Variants in REEP1 observed in about 807,000 individuals in gnomAD.
REEP1 encodes the protein receptor expression-enhancing protein 1.
REEP1 carries 22 observed loss-of-function variants against 40.3 expected under a neutral mutation model. The ratio of observed to expected loss-of-function variants is 0.55; its 90% CI spans 0.39 to 0.78. REEP1 has a LOEUF of 0.78. Among genes scored for constraint, REEP1 ranks in the 30% least tolerant of loss-of-function variants. The probability of loss-of-function intolerance (pLI) is 0.00; values close to 1 mark genes in which losing one functional copy is unlikely to be tolerated. For synonymous variants in REEP1, 116 were observed against 139.2 expected (o/e 0.83, Z 1.17); for missense variants, 280 against 361.1 (o/e 0.78, Z 1.82).
chr2:86,216,849 C>T lies in REEP1; in HGVS notation c.*190G>A. On this transcript the variant is annotated 3_prime_UTR_variant, in exon 9 of 9. Coordinates refer to ENST00000538924, the MANE Select transcript of REEP1 (RefSeq NM_001371279.1). ...CCTACTACCTTTCCCTTTAGCCTCT[C>T]CCCAGCAAAATAAAGAAAAGGGGGA... 1 of 548,762 alleles carries T rather than the reference C, an allele frequency of 1.8e-6. No individual in the cohort carries two copies. Among genetic ancestry groups the T allele is most frequent in the South Asian group, 2.1e-5 (1 of 48,596 alleles). The allele number at this position is 548,762 out of a possible 1,614,324, so 34.0% of individuals were successfully genotyped here. A position where few individuals can be genotyped will look rare whatever the true frequency, so the allele number is the denominator to read the frequency against.
intron 1 of REEP1, among the ~76,000 whole-genome samples, chr2:86,298,624 C>T (rs372771797): frequency 3.9e-5 from 6 of 152,346 alleles, no homozygotes; most frequent in African/African-American, 7.2e-5. Flanking sequence ...ACCGTGTGGA[C>T]GCTTTGAGCA....
intron 2 of REEP1, among the ~76,000 whole-genome samples, chr2:86,266,816 G>A (rs1677166955): frequency 6.6e-6 from 1 of 151,160 alleles, no homozygotes; most frequent in African/African-American, 2.4e-5. Context: ...GACCATCCTG[G>A]CTAACACGAT....
At chr2:86,269,897 C>T (rs1441883110) in intron 2 of REEP1, among the ~76,000 whole-genome samples, 2 of 150,902 alleles carry the variant, frequency 1.3e-5, no homozygotes, top group African/African-American at 4.9e-5. Flanking sequence ...AATTTTCTCC[C>T]ACAGATTGGG....
intron 8 of REEP1, 49 bp from the exon 9 acceptor site, chr2:86,217,159 A>C (rs954037181): frequency 1.3e-6 from 2 of 1,519,656 alleles, no homozygotes; most frequent in African/African-American, 2.7e-5. Flanking sequence ...TAAATGTGGG[A>C]TCTTTTGAGG....
intron 1 of REEP1, among the ~76,000 whole-genome samples, chr2:86,314,462 G>C (rs1350472619): frequency 6.6e-6 from 1 of 152,158 alleles, no homozygotes; most frequent in African/African-American, 2.4e-5. Context: ...AGGCCCAGGT[G>C]GGGTGAGCAG....
At chr2:86,227,914 A>T (rs369161828) in intron 6 of REEP1, among the ~76,000 whole-genome samples, 2 of 152,196 alleles carry the variant, frequency 1.3e-5, no homozygotes, top group East Asian at 3.8e-4. Context: ...AGTGACTCCA[A>T]GTCCATGGAA....
chr2:86,231,233 G>C (rs749387903), intron 6 of REEP1, among the ~76,000 whole-genome samples: 1 of 143,846 alleles, frequency 7.0e-6, no homozygotes, highest in Admixed American at 7.0e-5. Context: ...TTCCATTCCT[G>C]GGGGGGGGTC....
At chr2:86,271,193 A>C (rs1677427378) in intron 2 of REEP1, among the ~76,000 whole-genome samples, 1 of 152,166 alleles carries the variant, frequency 6.6e-6, no homozygotes, top group African/African-American at 2.4e-5. Flanking sequence ...TTCTGTCTCA[A>C]ACAAAAAAAT....
intron 8 of REEP1, among the ~76,000 whole-genome samples, chr2:86,218,461 A>G (rs114279507): frequency 2.0e-5 from 3 of 152,366 alleles, no homozygotes; most frequent in South Asian, 2.1e-4. Context: ...TCCTCATGCT[A>G]CAGCCTTACC....
intron 3 of REEP1, among the ~76,000 whole-genome samples, chr2:86,262,784 A>G (rs1676933860): frequency 1.3e-5 from 2 of 152,258 alleles, no homozygotes; most frequent in Admixed American, 1.3e-4. Flanking sequence ...TCGTAGAAAT[A>G]ACCCTCGTTA....
chr2:86,331,209 T>C (rs78703593), intron 1 of REEP1, among the ~76,000 whole-genome samples: 4,128 of 152,256 alleles, frequency 0.027, 98 homozygotes, highest in Non-Finnish European at 0.038. Flanking sequence ...CTGGAACCCA[T>C]AGGCAAGGCT....
At chr2:86,297,905 C>G (rs898286287) in intron 1 of REEP1, 3 of 183,260 alleles carry the variant, frequency 1.6e-5, no homozygotes, top group African/African-American at 2.4e-5. Context: ...GTGTTTGAGC[C>G]AAGAAGGCCT....
chr2:86,281,714 A>T (rs1224518631), intron 2 of REEP1, among the ~76,000 whole-genome samples: 3 of 152,202 alleles, frequency 2.0e-5, no homozygotes, highest in African/African-American at 4.8e-5. Context: ...TGAATTGTGG[A>T]TTTGGAATGA....
chr2:86,220,847 A>T (rs947889124), intron 7 of REEP1, among the ~76,000 whole-genome samples: 3 of 152,218 alleles, frequency 2.0e-5, no homozygotes, highest in Non-Finnish European at 2.9e-5. Context: ...GAAAAGCTTC[A>T]GAATTAATTC....
In REEP1 at chr2:86,214,491, A is replaced by ATTACAGACTT. The variant is rs1364031253; in HGVS notation, c.*2538_*2547dup. 1 of 152,696 alleles carries ATTACAGACTT rather than the reference A, an allele frequency of 6.5e-6. No homozygotes were observed. The highest frequency in any genetic ancestry group is 1.5e-5 in the Non-Finnish European group (1 of 68,062). The allele number at this position is 152,696 out of a possible 1,614,324, so 9.5% of individuals were successfully genotyped here. ...ATTAACTAAAAGTTATGACATGAAC[A>ATTACAGACTT]TTACAGACTTTCCAGCTAGCATTTT... On this transcript the variant is annotated 3_prime_UTR_variant, in exon 9 of 9. Coordinates refer to ENST00000538924, the MANE Select transcript of REEP1 (RefSeq NM_001371279.1).
Position 86,264,161 on chromosome 2 carries a change from T to C in REEP1, c.106-120A>G, listed in dbSNP as rs1677022619. ...GCACGTCCAGGTGGTGCAGCCTGCATTTGTAGCCTTCTCCCTATCCTTCCC... is the reference window on the plus strand; with the variant it reads ...GCACGTCCAGGTGGTGCAGCCTGCACTTGTAGCCTTCTCCCTATCCTTCCC... On this transcript the variant is annotated intron_variant, in intron 2 of 8. Coordinates refer to ENST00000538924, the MANE Select transcript of REEP1 (RefSeq NM_001371279.1). 5 of 755,740 alleles carry C rather than the reference T, an allele frequency of 6.6e-6. 1 individual carries two copies. The East Asian group carries it at 1.3e-4, about 20-fold the overall frequency. 46.8% of individuals were successfully genotyped at this position (755,740 alleles called of 1,614,324 possible).
intron 2 of REEP1, among the ~76,000 whole-genome samples, chr2:86,275,561 A>G (rs1677714395): frequency 6.6e-6 from 1 of 152,188 alleles, no homozygotes; most frequent in Non-Finnish European, 1.5e-5. Flanking sequence ...AGACAACTAG[A>G]GGCAGCGCCC....
chr2:86,239,208 CAAAAAAAA>C (rs35714309), intron 5 of REEP1, among the ~76,000 whole-genome samples: 3,772 of 58,564 alleles, frequency 0.064, 160 homozygotes, highest in East Asian at 0.36. Flanking sequence ...CCATCTAGAC[CAAAAAAAA>C]AAAAAAAAAA....
At chr2:86,288,950 T>C (rs1345768357) in intron 1 of REEP1, among the ~76,000 whole-genome samples, 2 of 152,228 alleles carry the variant, frequency 1.3e-5, no homozygotes, top group Non-Finnish European at 2.9e-5. Flanking sequence ...ATCTTGTTCT[T>C]AGTGATTTTT....
Sources: allele counts gnomAD v4.1 joint callset (sites outside exome capture counted in the v4.1 genomes callset), GRCh38; gene constraint gnomAD v4.1.1; transcripts MANE v1.5; gene names NCBI Gene and HGNC (gene_info 2026-07-23, HGNC 2026-07-21).